Variants in DNAH6 observed in about 807,000 individuals in gnomAD.
The protein encoded by DNAH6 is dynein axonemal heavy chain 6, also known as axonemal beta dynein heavy chain 6.
Under a neutral mutation model 491.4 loss-of-function variants are expected in DNAH6, and 340 were observed. The observed-to-expected ratio is 0.69, with a 90% confidence interval of 0.63 to 0.76. The LOEUF is 0.76. Ranked by LOEUF, DNAH6 falls within the 30% of genes least tolerant of loss-of-function variation. The probability of loss-of-function intolerance (pLI) is 0.00; values close to 1 mark genes in which losing one functional copy is unlikely to be tolerated. For synonymous variants in DNAH6, 1,603 were observed against 1,686.1 expected, an observed-to-expected ratio of 0.95 and a Z score of 1.21; for missense variants, 4,443 against 4,972.2, an observed-to-expected ratio of 0.89 and a Z score of 3.20.
chr2:84,561,699 AAAAC>A lies in DNAH6; in HGVS notation c.1803+3771_1803+3774del, dbSNP rs374318665. Among the ~76,000 whole-genome samples the A allele has an allele frequency of 5.8e-4, 88 of 152,290 alleles. 2 individuals are homozygous for A. The East Asian group carries it at 0.015, about 25-fold the overall frequency. Reference sequence around the variant, plus strand: ...TGAACTCAAACAAATTTACAAGAAAAAAACAAACAACCCCATCAAAAAGTGGGCA... The same window carrying A: ...TGAACTCAAACAAATTTACAAGAAAAAAACAACCCCATCAAAAAGTGGGCA... On this transcript the variant is annotated intron_variant, in intron 11 of 76. Transcript: ENST00000389394.
At chr2:84,698,074 T>C (rs1274678410) in intron 47 of DNAH6, among the ~76,000 whole-genome samples, 1 of 152,176 alleles carries the variant, frequency 6.6e-6, no homozygotes, top group African/African-American at 2.4e-5. Context: ...GCATTGTTGA[T>C]GCCCTTGCCT....
At chr2:84,467,144 G>A in the DNAH6 span, among the ~76,000 whole-genome samples, 7 of 152,124 alleles carry the variant, frequency 4.6e-5, no homozygotes, top group African/African-American at 1.2e-4. Context: ...GTGTGTTCAC[G>A]CAGAATCTCT....
At chr2:84,700,390 A>G (rs1377347414) in intron 48 of DNAH6, among the ~76,000 whole-genome samples, 1 of 152,134 alleles carries the variant, frequency 6.6e-6, no homozygotes. Flanking sequence ...GAGGTCATTG[A>G]AGTTCTGTTT....
At chr2:84,612,856 G>A (rs953500612) in intron 22 of DNAH6, among the ~76,000 whole-genome samples, 1 of 151,992 alleles carries the variant, frequency 6.6e-6, no homozygotes, top group Non-Finnish European at 1.5e-5. Flanking sequence ...AGGTTTGGGG[G>A]ATTAGGACAT....
At chr2:84,576,774 A>G (rs555613686) in intron 12 of DNAH6, among the ~76,000 whole-genome samples, 2 of 152,346 alleles carry the variant, frequency 1.3e-5, no homozygotes, top group East Asian at 3.9e-4. Context: ...ACCATGATGT[A>G]GGGTGCAGGA....
chr2:84,727,802 T>C lies in DNAH6; in HGVS notation c.10106T>C (p.Ile3369Thr), dbSNP rs1405213025. 6.4e-7 allele frequency: 1 copy of C among 1,551,920 alleles called. No individual in the cohort carries two copies. Among genetic ancestry groups the C allele is most frequent in the Admixed American group, 2.0e-5 (1 of 51,016 alleles). The stretch of plus-strand genomic sequence containing the variant: ...GGACTTTTTGAGCAACATAAACTCA[T>C]CTACAGCTTTATGCTTTGTGTTGAG... ...SRGLFEQHKL[I>T]YSFMLCVEMM... Residue 3369 changes from isoleucine (I) to threonine (T), a missense_variant, in exon 61 of 77, where the codon ATC becomes ACC. Physicochemically the swap from Ile to Thr is moderately conservative, Grantham distance 89. Transcript: ENST00000389394.
At position 84,718,338 on chromosome 2, in the gene DNAH6, A is replaced by C; in HGVS notation, c.9746A>C (p.Asn3249Thr). ...ILRMLFTSEG[N>T]ILDNEELIDT... ...AGAATGCTCTTTACCTCTGAAGGAA[A>C]TATTCTGGACAATGAAGAACTTATT... The change falls in exon 59 of 77, where the codon AAT (asparagine) becomes ACT (threonine). Residue 3249 changes from asparagine (N) to threonine (T), a missense_variant. Coordinates refer to ENST00000389394, the MANE Select transcript of DNAH6 (RefSeq NM_001370.2). 6.5e-7 allele frequency: 1 copy of C among 1,549,828 alleles called. No individual in the cohort carries two copies. Among genetic ancestry groups the C allele is most frequent in the Middle Eastern group, 1.7e-4 (1 of 5,984 alleles).
rs567110702 is a variant in DNAH6 at position 84,555,351 on chromosome 2, G to T, written c.1602+2317G>T. Among the ~76,000 whole-genome samples the T allele has an allele frequency of 5.3e-5, 8 of 152,162 alleles. No homozygotes were observed. The South Asian group carries it at 1.7e-3, about 32-fold the overall frequency. ...TTTACTGCTTCTGCCTCTTGAAATA[G>T]ACTCCTCCTTTGGTTTAATTGAAAT... On this transcript the variant is annotated intron_variant, in intron 10 of 76. Transcript: ENST00000389394.
intron 35 of DNAH6, 25 bp from the exon 36 acceptor site, chr2:84,658,267 A>G: frequency 5.5e-6 from 8 of 1,457,508 alleles, no homozygotes; most frequent in Non-Finnish European, 7.3e-6. Flanking sequence ...AGGTCTTGCT[A>G]AACTATCATT....
rs1696369225 is a variant in DNAH6, at chr2:84,705,766, G to C, written c.8727+19G>C. ...CGCACAGGTACATTTTCTGTATTGT[G>C]ATATTTTATAGAATTGAAGGCCATG... On this transcript the variant is annotated intron_variant, in intron 52 of 76. Coordinates refer to ENST00000389394, the MANE Select transcript of DNAH6 (RefSeq NM_001370.2). 6.5e-7 allele frequency: 1 copy of C among 1,532,346 alleles called. No individual in the cohort carries two copies. The highest frequency in any genetic ancestry group is 8.8e-7 in the Non-Finnish European group (1 of 1,138,994). 94.9% of individuals were successfully genotyped at this position (1,532,346 alleles called of 1,614,324 possible).
chr2:84,744,986 T>C (rs1301042739), intron 62 of DNAH6, 94 bp from the exon 63 acceptor site: 32 of 850,860 alleles, frequency 3.8e-5, no homozygotes, highest in Non-Finnish European at 1.2e-5. Flanking sequence ...AAACTGATAG[T>C]AAATATAGAG....
chr2:84,721,753 T>C (rs1480412408), intron 59 of DNAH6, among the ~76,000 whole-genome samples: 1 of 152,226 alleles, frequency 6.6e-6, no homozygotes, highest in Non-Finnish European at 1.5e-5. Flanking sequence ...AGCACTGGTC[T>C]ATACAGGAAC....
chr2:84,497,159 C>T, the DNAH6 span, among the ~76,000 whole-genome samples: 13 of 152,078 alleles, frequency 8.5e-5, no homozygotes, highest in East Asian at 9.7e-4. Flanking sequence ...TTAGTAGAGA[C>T]GGAGTTTCAC....
the DNAH6 span, among the ~76,000 whole-genome samples, chr2:84,460,307 A>G: frequency 8.6e-4 from 131 of 152,340 alleles, no homozygotes; most frequent in Middle Eastern, 0.02. Flanking sequence ...CACTGCAAAT[A>G]AACTCCTCCC....
At chr2:84,685,075 T>C (rs892751279) in intron 42 of DNAH6, among the ~76,000 whole-genome samples, 1 of 152,214 alleles carries the variant, frequency 6.6e-6, no homozygotes, top group African/African-American at 2.4e-5. Context: ...TTGTGAAGTC[T>C]GACCACTTCA....
In DNAH6 at chr2:84,653,564, A is replaced by G; in HGVS notation, c.5324A>G (p.Lys1775Arg). 1.3e-6 allele frequency: 2 copies of G among 1,551,348 alleles called. No individual in the cohort carries two copies. Among genetic ancestry groups the G allele is most frequent in the Non-Finnish European group, 1.7e-6 (2 of 1,146,728 alleles). Residue 1775 changes from lysine (K) to arginine (R), a missense_variant, in exon 34 of 77, where the codon AAA (lysine) becomes AGA (arginine). Coordinates refer to ENST00000389394, the MANE Select transcript of DNAH6 (RefSeq NM_001370.2). Reference protein sequence around the residue: ...ILAETLGNLQKLGIENSFYQA... With the variant: ...ILAETLGNLQRLGIENSFYQA... The stretch of plus-strand genomic sequence containing the variant: ...GCAGAAACTTTAGGGAATTTACAAA[A>G]ACTTGGGATAGAAAATTCCTTTTAC...
At chr2:84,813,837 G>T in intron 74 of DNAH6, 134 bp from the exon 75 acceptor site, 4 of 823,972 alleles carry the variant, frequency 4.9e-6, no homozygotes, top group South Asian at 1.7e-5. Context: ...TCAGAGGAAG[G>T]TATTAAGAGT....
chr2:84,717,801 G>T (rs1697691127), intron 58 of DNAH6, among the ~76,000 whole-genome samples: 1 of 152,152 alleles, frequency 6.6e-6, no homozygotes, highest in South Asian at 2.1e-4. Flanking sequence ...TGTGATTTCA[G>T]AATCTGCCAT....
At chr2:84,813,254 C>T in intron 74 of DNAH6, 124 bp downstream of exon 74, 2 of 716,014 alleles carry the variant, frequency 2.8e-6, no homozygotes, top group South Asian at 3.4e-5. Flanking sequence ...GATCATAGGG[C>T]AATCTAACAA....
Sources: gnomAD v4.1 joint callset for allele counts (sites outside exome capture counted in the v4.1 genomes callset) on GRCh38, gnomAD v4.1.1 for gene constraint, MANE v1.5 for transcripts, NCBI Gene and HGNC (gene_info 2026-07-23, HGNC 2026-07-21) for gene names.